SYNJ2: variants seen among roughly 807,000 people sequenced by gnomAD.
SYNJ2 encodes synaptojanin 2, also known as polyphosphatidylinositol phosphatase SYNJ2.
In SYNJ2, 116 loss-of-function variants were observed where a neutral mutation model predicts 141.3. That is an observed-to-expected ratio of 0.82 (90% CI 0.71 to 0.96). The LOEUF is 0.96. Among genes scored for constraint, SYNJ2 ranks in the 40% least tolerant of loss-of-function variants. The probability of loss-of-function intolerance (pLI) is 0.00; values close to 1 mark genes in which losing one functional copy is unlikely to be tolerated. For missense variants in SYNJ2, 1,873 were observed against 1,934.8 expected, an observed-to-expected ratio of 0.97 and a Z score of 0.60; for synonymous variants, 745 against 777.7, an observed-to-expected ratio of 0.96 and a Z score of 0.70.
chr6:158,091,751 TAA>T (rs35408343), intron 25 of SYNJ2, among the ~76,000 whole-genome samples: 173 of 100,868 alleles, frequency 1.7e-3, no homozygotes, highest in Non-Finnish European at 2.1e-3. Context: ...CTCTGTCTCA[TAA>T]AAAAAAAAAA....
At chr6:158,044,825 A>T (rs191421565) in intron 5 of SYNJ2, among the ~76,000 whole-genome samples, 34 of 152,150 alleles carry the variant, frequency 2.2e-4, no homozygotes, top group Non-Finnish European at 1.6e-4. Context: ...TAGATTTCCC[A>T]TTCCAGACGT....
chr6:158,083,289 T>G lies in SYNJ2; in HGVS notation c.2866-140T>G, dbSNP rs941718281. 2.7e-5 allele frequency: 27 copies of G among 996,626 alleles called. 1 individual carries two copies. The African/African-American group carries it at 3.4e-4, about 13-fold the overall frequency. 61.7% of individuals were successfully genotyped at this position (996,626 alleles called of 1,614,324 possible). On this transcript the variant is annotated intron_variant, in intron 20 of 26. Coordinates refer to ENST00000355585, the MANE Select transcript of SYNJ2 (RefSeq NM_003898.4). ...AGAGCTATGCTGAGCCTGCGTGAGG[T>G]CTGGACCCTTGGTTTTTCAGGGCCA...
At chr6:158,024,194 G>A (rs538776818) in intron 2 of SYNJ2, among the ~76,000 whole-genome samples, 1 of 152,194 alleles carries the variant, frequency 6.6e-6, no homozygotes, top group Non-Finnish European at 1.5e-5. Context: ...GGAGGCCAAG[G>A]TGGGCGGACC....
intron 26 of SYNJ2, among the ~76,000 whole-genome samples, chr6:158,095,081 G>A (rs192352949): frequency 9.2e-5 from 14 of 152,102 alleles, no homozygotes; most frequent in South Asian, 2.1e-4. Flanking sequence ...CCTGGGAGGC[G>A]GAGGTTACAG....
chr6:158,087,640 T>TA (rs1233380889), intron 23 of SYNJ2, among the ~76,000 whole-genome samples: 1 of 152,226 alleles, frequency 6.6e-6, no homozygotes, highest in Non-Finnish European at 1.5e-5. Flanking sequence ...CCTAAGCCAT[T>TA]ACTTCAGAAT....
At chr6:158,016,964 G>A (rs1214835376) in intron 1 of SYNJ2, 3 of 1,204,484 alleles carry the variant, frequency 2.5e-6, no homozygotes, top group Non-Finnish European at 3.1e-6. Context: ...AGCTCCTCCA[G>A]CCCCCAGGAA....
chr6:158,031,469 ACT>A (rs1237122877), intron 3 of SYNJ2, among the ~76,000 whole-genome samples: 2 of 152,134 alleles, frequency 1.3e-5, no homozygotes, highest in Non-Finnish European at 2.9e-5. Flanking sequence ...GGAGGAAGTA[ACT>A]CTGGAGGTCG....
chr6:158,004,515 C>A (rs1175603580), intron 1 of SYNJ2, among the ~76,000 whole-genome samples: 1 of 152,186 alleles, frequency 6.6e-6, no homozygotes, highest in Non-Finnish European at 1.5e-5. Flanking sequence ...GGGGAAGAAC[C>A]CTCAGTTCCT....
intron 5 of SYNJ2, among the ~76,000 whole-genome samples, chr6:158,045,613 CCCT>C (rs1413726319): frequency 2.2e-5 from 3 of 136,826 alleles, no homozygotes; most frequent in Non-Finnish European, 5.0e-5. Context: ...TCTTCTGGTT[CCCT>C]CTTCTTCTTC....
intron 11 of SYNJ2, among the ~76,000 whole-genome samples, chr6:158,065,517 G>A (rs1345082802): frequency 6.6e-6 from 1 of 152,162 alleles, no homozygotes; most frequent in Non-Finnish European, 1.5e-5. Flanking sequence ...GTTCCTTTGG[G>A]AGCATTTTAA....
intron 5 of SYNJ2, among the ~76,000 whole-genome samples, chr6:158,047,804 A>AAC (rs1451105375): frequency 2.7e-3 from 382 of 141,670 alleles, no homozygotes; most frequent in Admixed American, 4.2e-3. Context: ...AAAAAAAAAA[A>AAC]ACACACAGTA....
At chr6:158,088,034 ATTTTTTTTTTTTTTTTTTTT>A (rs568222551) in intron 23 of SYNJ2, among the ~76,000 whole-genome samples, 61 of 31,912 alleles carry the variant, frequency 1.9e-3, no homozygotes, top group African/African-American at 5.1e-3. Flanking sequence ...CTGCTTTGGA[ATTTTTTTTTTTTTTTTTTTT>A]TTTTTTTTTT....
Position 158,062,126 on chromosome 6 carries a change from C to A in SYNJ2, c.1089C>A (p.Asp363Glu). 3.1e-6 allele frequency: 5 copies of A among 1,614,054 alleles called. No homozygotes were observed. Among genetic ancestry groups the A allele is most frequent in the Non-Finnish European group, 4.2e-6 (5 of 1,180,004 alleles). The change falls in exon 8 of 27, where the codon GAC (aspartate) becomes GAA (glutamate). Residue 363 changes from aspartate to glutamate, a missense_variant. Asp to Glu is a conservative substitution (Grantham distance 45). Transcript: ENST00000355585. ...CACAGTTAAAGCTGCACTGGGAAGA[C>A]TTCGATGTGTTCACAAAGGGGGAGA... ...LRPQLKLHWE[D>E]FDVFTKGENV... is the part of the protein sequence containing the mutation.
intron 6 of SYNJ2, among the ~76,000 whole-genome samples, chr6:158,055,507 G>GTGTT (rs1222766215): frequency 8.3e-6 from 1 of 120,162 alleles, no homozygotes; most frequent in Non-Finnish European, 2.1e-5. Context: ...CATTTTATGT[G>GTGTT]TGTGTGTGTG....
chr6:158,039,616 G>A (rs928428735), intron 4 of SYNJ2, among the ~76,000 whole-genome samples: 3 of 152,226 alleles, frequency 2.0e-5, no homozygotes, highest in South Asian at 2.1e-4. Flanking sequence ...TATGGTACAG[G>A]AGCAGACTGT....
intron 1 of SYNJ2, among the ~76,000 whole-genome samples, chr6:158,013,171 C>T (rs6905316): frequency 0.66 from 100,370 of 151,658 alleles, 33,560 homozygotes; most frequent in Middle Eastern, 0.77. Flanking sequence ...CACTTGAGGT[C>T]GGGAGTTCAA....
At chr6:158,041,392 G>A (rs764744556) in intron 4 of SYNJ2, among the ~76,000 whole-genome samples, 1 of 152,246 alleles carries the variant, frequency 6.6e-6, no homozygotes, top group Non-Finnish European at 1.5e-5. Context: ...TGTATCACTT[G>A]CATTTGATGG....
At chr6:158,068,175 A>AAC (rs1781681833) in intron 12 of SYNJ2, among the ~76,000 whole-genome samples, 2 of 150,394 alleles carry the variant, frequency 1.3e-5, no homozygotes, top group African/African-American at 4.9e-5. Flanking sequence ...AAGTCAGGGA[A>AAC]ACTAGAGGTT....
chr6:158,039,089 C>T (rs1449816053), intron 4 of SYNJ2, among the ~76,000 whole-genome samples: 1 of 152,164 alleles, frequency 6.6e-6, no homozygotes, highest in African/African-American at 2.4e-5. Flanking sequence ...GTGACTGTTC[C>T]CCAAAAGCAA....
Sources: allele counts gnomAD v4.1 joint callset (sites outside exome capture counted in the v4.1 genomes callset), GRCh38; gene constraint gnomAD v4.1.1; transcripts MANE v1.5; gene names NCBI Gene and HGNC (gene_info 2026-07-23, HGNC 2026-07-21).